Variants in EXOC6 observed in about 807,000 individuals in gnomAD.
EXOC6 encodes the protein SEC15-like 1.
In EXOC6, 60 loss-of-function variants were observed where a neutral mutation model predicts 112.5. That is an observed-to-expected ratio of 0.53 (90% CI 0.43 to 0.66). The LOEUF (loss-of-function observed/expected upper bound fraction) is 0.66. Among genes scored for constraint, EXOC6 ranks in the 30% least tolerant of loss-of-function variants. EXOC6 has a pLI of 0.00. For missense variants in EXOC6, 855 were observed against 957.1 expected, an observed-to-expected ratio of 0.89 and a Z score of 1.41; for synonymous variants, 295 against 308.0, an observed-to-expected ratio of 0.96 and a Z score of 0.44.
intron 4 of EXOC6, among the ~76,000 whole-genome samples, chr10:92,897,771 A>G (rs1021566418): frequency 3.9e-5 from 6 of 152,180 alleles, no homozygotes; most frequent in African/African-American, 1.2e-4. Flanking sequence ...GACTCAAAAG[A>G]ATGCAACCTT....
chr10:92,922,282 C>T lies in EXOC6; in HGVS notation c.888+2232C>T, dbSNP rs144024098. 1.5e-3 allele frequency among the ~76,000 whole-genome samples: 225 copies of T among 152,272 alleles called. 1 individual carries two copies. Among genetic ancestry groups the T allele is most frequent in the African/African-American group, 5.0e-3 (207 of 41,570 alleles). On this transcript the variant is annotated intron_variant, in intron 8 of 21. Coordinates refer to ENST00000260762, the MANE Select transcript of EXOC6 (RefSeq NM_019053.6). ...ATTATTGTTACAACTCTTCTTCCTTCTACTTGTTATTCCAGTTCTGCCATT... is the reference window on the plus strand; with the variant it reads ...ATTATTGTTACAACTCTTCTTCCTTTTACTTGTTATTCCAGTTCTGCCATT...
At chr10:92,988,800 TACACACACACACACACACAC>T (rs67242778) in intron 18 of EXOC6, among the ~76,000 whole-genome samples, 3 of 142,992 alleles carry the variant, frequency 2.1e-5, no homozygotes, top group Non-Finnish European at 4.6e-5. Context: ...CTACAAAAAA[TACACACACACACACACACAC>T]ACACACACAC....
intron 20 of EXOC6, among the ~76,000 whole-genome samples, chr10:93,015,642 A>T (rs1016273739): frequency 6.6e-6 from 1 of 152,184 alleles, no homozygotes; most frequent in African/African-American, 2.4e-5. Flanking sequence ...CTGAGGCAGG[A>T]GAATCCCTTG....
chr10:92,976,109 C>T (rs1253689046), intron 18 of EXOC6, among the ~76,000 whole-genome samples: 1 of 151,558 alleles, frequency 6.6e-6, no homozygotes, highest in Non-Finnish European at 1.5e-5. Context: ...GGCGCCTCTG[C>T]CCGGCCACCC....
intron 17 of EXOC6, among the ~76,000 whole-genome samples, chr10:92,969,424 T>A (rs2134069874): frequency 6.6e-6 from 1 of 152,290 alleles, no homozygotes; most frequent in South Asian, 2.1e-4. Context: ...TCATCTCCAC[T>A]GTTTCCTGAC....
At chr10:92,978,993 A>G (rs1457798085) in intron 18 of EXOC6, among the ~76,000 whole-genome samples, 1 of 152,164 alleles carries the variant, frequency 6.6e-6, no homozygotes, top group Non-Finnish European at 1.5e-5. Flanking sequence ...ATGTGCAAAT[A>G]TTGTCCAATA....
At chr10:93,029,348 T>C (rs1845168355) in intron 20 of EXOC6, among the ~76,000 whole-genome samples, 1 of 152,236 alleles carries the variant, frequency 6.6e-6, no homozygotes. Context: ...GAACCAGACA[T>C]ATAGTATCTC....
chr10:92,942,159 G>A (rs747124733), intron 13 of EXOC6, among the ~76,000 whole-genome samples: 45 of 152,342 alleles, frequency 3.0e-4, no homozygotes, highest in Non-Finnish European at 4.4e-4. Context: ...GGGAGGCCAA[G>A]ATGGGAGGAT....
intron 1 of EXOC6, among the ~76,000 whole-genome samples, chr10:92,863,781 G>C (rs1432083759): frequency 2.0e-5 from 3 of 151,974 alleles, no homozygotes; most frequent in Non-Finnish European, 4.4e-5. Flanking sequence ...TGGGCGTGGT[G>C]GTGGGCACCT....
rs529263006 is a variant in EXOC6, at chr10:93,021,466, GT to G, written c.2169+7201del. The stretch of plus-strand genomic sequence containing the variant: ...TTGCCTTTTGTTAGTTGATGTTTCA[GT>G]TAAACTTCCAAGGGTGAGGGAGTTT... On this transcript the variant is annotated intron_variant, in intron 20 of 21. Transcript: ENST00000260762. 1.7e-4 allele frequency among the ~76,000 whole-genome samples: 26 copies of G among 152,296 alleles called. No individual in the cohort carries two copies. The South Asian group carries it at 5.0e-3, about 29-fold the overall frequency.
At chr10:92,905,179 T>C (rs939495849) in intron 5 of EXOC6, among the ~76,000 whole-genome samples, 1 of 152,086 alleles carries the variant, frequency 6.6e-6, no homozygotes, top group African/African-American at 2.4e-5. Flanking sequence ...ATTATAACTT[T>C]ATACAGTATT....
At chr10:92,831,481 T>A, upstream of EXOC6, 1 of 435,714 alleles carries the variant, frequency 2.3e-6, no homozygotes, top group Non-Finnish European at 3.8e-6. Context: ...TCACTCAGGC[T>A]GGAGTACAAT....
At chr10:92,903,839 G>C (rs527823276) in intron 5 of EXOC6, among the ~76,000 whole-genome samples, 181 of 152,108 alleles carry the variant, frequency 1.2e-3, no homozygotes, top group African/African-American at 4.2e-3. Flanking sequence ...TTACAGTAGA[G>C]TTCACTCTGT....
chr10:92,848,148 G>A (rs896278989), upstream of EXOC6, among the ~76,000 whole-genome samples: 5 of 152,152 alleles, frequency 3.3e-5, no homozygotes, highest in Admixed American at 2.0e-4. Flanking sequence ...CAGATTCAGG[G>A]TGATGATCTG....
intron 18 of EXOC6, among the ~76,000 whole-genome samples, chr10:92,974,737 C>T (rs1000395862): frequency 6.6e-6 from 1 of 152,146 alleles, no homozygotes; most frequent in Non-Finnish European, 1.5e-5. Context: ...GACTGGTTTT[C>T]GTATTTTTTT....
intron 1 of EXOC6, among the ~76,000 whole-genome samples, chr10:92,881,620 T>C (rs1269966128): frequency 6.6e-6 from 1 of 152,186 alleles, no homozygotes; most frequent in East Asian, 1.9e-4. Context: ...TTGACCTACG[T>C]ATTATTTCCT....
intron 20 of EXOC6, among the ~76,000 whole-genome samples, chr10:93,045,942 G>A (rs1160341345): frequency 1.3e-5 from 2 of 152,190 alleles, no homozygotes; most frequent in African/African-American, 2.4e-5. Flanking sequence ...TCAATAAATA[G>A]CCTAGTCTGG....
intron 18 of EXOC6, among the ~76,000 whole-genome samples, chr10:92,978,868 T>A (rs1343781777): frequency 1.3e-5 from 2 of 152,096 alleles, no homozygotes; most frequent in Non-Finnish European, 2.9e-5. Flanking sequence ...CAGACATGAG[T>A]TAAGTGGTGG....
upstream of EXOC6, among the ~76,000 whole-genome samples, chr10:92,832,697 T>TC (rs1846526267): frequency 6.6e-6 from 1 of 151,622 alleles, no homozygotes; most frequent in African/African-American, 2.4e-5. Flanking sequence ...AAGAACTTTT[T>TC]TTTTTTTTTG....
Sources: allele counts gnomAD v4.1 joint callset (sites outside exome capture counted in the v4.1 genomes callset), GRCh38; gene constraint gnomAD v4.1.1; transcripts MANE v1.5; gene names NCBI Gene and HGNC (gene_info 2026-07-23, HGNC 2026-07-21).